The following TJP2 variants were observed in gnomAD, a reference collection of about 807,000 sequenced individuals.
TJP2 encodes the protein tight junction protein 2, also known as Friedreich ataxia region gene X104 (tight junction protein ZO-2).
Under a neutral mutation model 133.1 loss-of-function variants are expected in TJP2, and 91 were observed. The observed-to-expected ratio is 0.68, with a 90% CI of 0.58 to 0.81. The LOEUF is 0.81. Ranked by LOEUF, TJP2 falls within the 40% of genes least tolerant of loss-of-function variation. The probability of loss-of-function intolerance (pLI) is 0.00; values close to 1 mark genes in which losing one functional copy is unlikely to be tolerated. For synonymous variants in TJP2, 592 were observed against 583.4 expected (o/e 1.01, Z -0.21); for missense variants, 1,541 against 1,565.6 (o/e 0.98, Z 0.26).
At chr9:69,202,655 G>A (rs1279348741) in intron 1 of TJP2, among the ~76,000 whole-genome samples, 1 of 152,154 alleles carries the variant, frequency 6.6e-6, no homozygotes, top group Non-Finnish European at 1.5e-5. Context: ...CTCACTAAGT[G>A]GAAGTGGATA....
intron 11 of TJP2, 144 bp from the exon 12 acceptor site, chr9:69,234,295 T>C: frequency 1.5e-6 from 1 of 678,760 alleles, no homozygotes; most frequent in Admixed American, 3.0e-5. Flanking sequence ...CATTTGCATC[T>C]TGGCTTTGCT....
intron 1 of TJP2, among the ~76,000 whole-genome samples, chr9:69,210,442 TG>T (rs1386189027): frequency 6.6e-6 from 1 of 152,156 alleles, no homozygotes; most frequent in African/African-American, 2.4e-5. Flanking sequence ...TAGCAGATAA[TG>T]GGACAAAGAT....
chr9:69,192,018 G>A lies in TJP2; in HGVS notation c.60+17586G>A, dbSNP rs12238075. 1.1e-4 allele frequency among the ~76,000 whole-genome samples: 16 copies of A among 152,090 alleles called. No individual in the cohort carries two copies. In the East Asian group the frequency reaches 2.1e-3, roughly 20 times the overall value. ...CTCCCAAAGTGCTGGGATTACAGGC[G>A]TGAGCCACCATGCCCAGCCGTATGT... On this transcript the variant is annotated intron_variant, in intron 1 of 22. Transcript: ENST00000377245.
intron 2 of TJP2, among the ~76,000 whole-genome samples, chr9:69,155,227 CAAAAAAAA>C (rs58935075): frequency 5.1e-5 from 5 of 98,772 alleles, no homozygotes; most frequent in Non-Finnish European, 5.8e-5. Context: ...ACTCCATTTC[CAAAAAAAA>C]AAAAAAAAAA....
rs368776552 is a variant in TJP2 at position 69,248,196 on chromosome 9, G to A, written c.2852G>A (p.Arg951His). 168 of 1,608,718 alleles carry A rather than the reference G, an allele frequency of 1.0e-4. No homozygotes were observed. Among genetic ancestry groups the A allele is most frequent in the Middle Eastern group, 8.3e-4 (5 of 6,052 alleles). Residue 951 changes from arginine to histidine, a missense_variant, in exon 19 of 23, where the codon CGC (arginine) becomes CAC (histidine). Coordinates refer to ENST00000377245, the MANE Select transcript of TJP2 (RefSeq NM_004817.4). ...AEEPLVSSIT[R>H]SSEPVQHEES... ...GAGCCGCTGGTGTCGTCCATCACCC[G>A]CTCCTCGGAGCCGGTGCAGCACGAG...
At chr9:69,169,650 G>A (rs1023612989), upstream of TJP2, among the ~76,000 whole-genome samples, 8 of 152,190 alleles carry the variant, frequency 5.3e-5, no homozygotes, top group East Asian at 7.7e-4. Flanking sequence ...GTGAGCCACC[G>A]TACCCGGCTG....
intron 1 of TJP2, among the ~76,000 whole-genome samples, chr9:69,140,482 G>A (rs1028857433): frequency 7.2e-5 from 11 of 152,144 alleles, no homozygotes; most frequent in Non-Finnish European, 1.3e-4. Context: ...CAGGTGCAGC[G>A]TGGGATCATG....
chr9:69,235,451 T>C (rs1830113378), intron 12 of TJP2, among the ~76,000 whole-genome samples: 1 of 151,876 alleles, frequency 6.6e-6, no homozygotes, highest in Non-Finnish European at 1.5e-5. Flanking sequence ...GCCTCCCGAG[T>C]AGCTGGGACT....
At position 69,128,054 on chromosome 9, in the gene TJP2, A is replaced by C. The variant is rs1822336239; in HGVS notation, c.-131+6329A>C. 2.6e-5 allele frequency among the ~76,000 whole-genome samples: 2 copies of C among 75,788 alleles called. 1 individual carries two copies. Among genetic ancestry groups the C allele is most frequent in the African/African-American group, 8.1e-5 (2 of 24,766 alleles). 49.7% of individuals were successfully genotyped at this position (75,788 alleles called of 152,430 possible). ...CGGCCTCCCAAAGTGCTAAGATTATAGGTGTGAGCCATCATGACAGGCCAG... is the reference window on the plus strand; with the variant it reads ...CGGCCTCCCAAAGTGCTAAGATTATCGGTGTGAGCCATCATGACAGGCCAG... On this transcript the variant is annotated intron_variant, in intron 1 of 5. Transcript: ENST00000423935.
chr9:69,151,219 C>T (rs557983680), intron 1 of TJP2, among the ~76,000 whole-genome samples: 12 of 152,246 alleles, frequency 7.9e-5, no homozygotes, highest in Admixed American at 3.3e-4. Context: ...CAGTGGCTGA[C>T]GCCTGTAATC....
At chr9:69,165,169 C>T (rs1824283553) in intron 2 of TJP2, among the ~76,000 whole-genome samples, 1 of 152,164 alleles carries the variant, frequency 6.6e-6, no homozygotes, top group Non-Finnish European at 1.5e-5. Context: ...CAGTCTGTCA[C>T]TGAGGCTGGA....
At chr9:69,171,860 A>G (rs529954018), upstream of TJP2, among the ~76,000 whole-genome samples, 56 of 133,474 alleles carry the variant, frequency 4.2e-4, no homozygotes, top group African/African-American at 1.3e-3. Flanking sequence ...CAGTGGTGCA[A>G]TCTCGTCTCA....
chr9:69,211,600 C>T (rs1017206305), intron 1 of TJP2, among the ~76,000 whole-genome samples: 6 of 152,132 alleles, frequency 3.9e-5, no homozygotes, highest in African/African-American at 1.4e-4. Context: ...GTGGTATGGC[C>T]AGTGCAGAGC....
chr9:69,167,020 G>A (rs986414615), intron 2 of TJP2, among the ~76,000 whole-genome samples: 1 of 151,630 alleles, frequency 6.6e-6, no homozygotes, highest in African/African-American at 2.4e-5. Flanking sequence ...ATCACTTGAG[G>A]TCAGGAGTTC....
At position 69,226,064 on chromosome 9, in the gene TJP2, C is replaced by G. The variant is rs1057515613; in HGVS notation, c.1099C>G (p.Arg367Gly). The G allele has an allele frequency of 6.2e-7, 1 of 1,613,886 alleles. No homozygotes were observed. Among genetic ancestry groups the G allele is most frequent in the African/African-American group, 1.3e-5 (1 of 74,858 alleles). Residue 367 changes from arginine to glycine, a missense_variant, in exon 7 of 23, where the codon CGA becomes GGA. Physicochemically the swap from Arg to Gly is moderately radical, Grantham distance 125. Transcript: ENST00000377245. Reference protein sequence around the residue: ...VTENMSLTDARKLIEKSRGKL... With the variant: ...VTENMSLTDAGKLIEKSRGKL... The stretch of plus-strand genomic sequence containing the variant: ...TGAGAACATGTCTTTAACGGATGCT[C>G]GAAAATTGATAGAAAAGTCAAGAGG...
intron 13 of TJP2, among the ~76,000 whole-genome samples, chr9:69,236,524 C>T (rs1182623458): frequency 2.0e-5 from 3 of 152,098 alleles, no homozygotes; most frequent in Admixed American, 6.5e-5. Flanking sequence ...ACTGAATGGC[C>T]GTAGCACACC....
intron 1 of TJP2, among the ~76,000 whole-genome samples, chr9:69,140,867 G>T (rs1822989790): frequency 6.6e-6 from 1 of 152,046 alleles, no homozygotes; most frequent in South Asian, 2.1e-4. Context: ...GTTTTTTTGG[G>T]AGACGGAGTC....
At chr9:69,135,018 CTTG>C (rs1315201520) in intron 1 of TJP2, among the ~76,000 whole-genome samples, 6 of 151,862 alleles carry the variant, frequency 4.0e-5, no homozygotes, top group African/African-American at 1.5e-4. Context: ...CATTCTCTCT[CTTG>C]TTGTAGGGAC....
chr9:69,142,189 T>C (rs974300273), intron 1 of TJP2, among the ~76,000 whole-genome samples: 1 of 152,218 alleles, frequency 6.6e-6, no homozygotes, highest in Non-Finnish European at 1.5e-5. Context: ...TTCCAATAGA[T>C]ACTGGGTTGT....
Sources: allele counts gnomAD v4.1 joint callset (sites outside exome capture counted in the v4.1 genomes callset), GRCh38; gene constraint gnomAD v4.1.1; transcripts MANE v1.5; gene names NCBI Gene and HGNC (gene_info 2026-07-23, HGNC 2026-07-21).